Variants in EDNRB observed in about 807,000 individuals in gnomAD.
EDNRB encodes Hirschsprung disease 2.
EDNRB carries 18 observed loss-of-function variants against 46.4 expected under a neutral mutation model. That is an observed-to-expected ratio of 0.39 (90% confidence interval 0.27 to 0.57). The LOEUF is 0.57. Ranked by LOEUF, EDNRB falls within the 20% of genes least tolerant of loss-of-function variation. EDNRB has a pLI of 0.61. For synonymous variants in EDNRB, 213 were observed against 204.9 expected (o/e 1.04, Z -0.34); for missense variants, 434 against 537.5 (o/e 0.81, Z 1.90).
At chr13:77,915,247 T>A (rs186745513) in intron 1 of EDNRB, among the ~76,000 whole-genome samples, 10 of 152,284 alleles carry the variant, frequency 6.6e-5, no homozygotes, top group African/African-American at 2.4e-4. Flanking sequence ...GCCATTAGAA[T>A]AACTTCCACT....
chr13:77,971,263 G>T (rs1214296903), intron 1 of EDNRB, among the ~76,000 whole-genome samples: 2 of 152,230 alleles, frequency 1.3e-5, no homozygotes, highest in African/African-American at 4.8e-5. Flanking sequence ...TATCTAGTTA[G>T]TCTAGCATTT....
Position 77,925,322 on chromosome 13 carries a change from C to T in EDNRB, c.-51-6698G>A, listed in dbSNP as rs567289794. 1.3e-4 allele frequency among the ~76,000 whole-genome samples: 20 copies of T among 152,250 alleles called. 1 individual carries two copies. The South Asian group carries it at 3.3e-3, about 25-fold the overall frequency. On this transcript the variant is annotated intron_variant, in intron 1 of 7. Transcript: ENST00000646948. The stretch of plus-strand genomic sequence containing the variant: ...AAATACCTCTTTTAATTCTTTTCTC[C>T]GTAGATCCAGAAGTGGGATTGCTGA...
intron 1 of EDNRB, among the ~76,000 whole-genome samples, chr13:77,914,793 C>T (rs1336504188): frequency 6.6e-6 from 1 of 152,194 alleles, no homozygotes; most frequent in Non-Finnish European, 1.5e-5. Context: ...GATAAAGTCC[C>T]ACCAATTCCA....
At chr13:77,923,741 G>A (rs973549641), upstream of EDNRB, among the ~76,000 whole-genome samples, 1 of 150,432 alleles carries the variant, frequency 6.6e-6, no homozygotes, top group African/African-American at 2.4e-5. Flanking sequence ...GAGAAACTTG[G>A]ATCTTTAGCT....
intron 1 of EDNRB, among the ~76,000 whole-genome samples, chr13:77,935,962 G>A (rs1880549432): frequency 6.6e-6 from 1 of 152,204 alleles, no homozygotes; most frequent in Admixed American, 6.5e-5. Context: ...TTTTAGGACA[G>A]GTAAAATGGG....
chr13:77,953,412 A>G (rs867144657), intron 1 of EDNRB, among the ~76,000 whole-genome samples: 70 of 151,990 alleles, frequency 4.6e-4, no homozygotes, highest in African/African-American at 1.6e-3. Context: ...TTGAAATCGA[A>G]AAATAAAACA....
At chr13:77,926,253 T>C (rs1256335856) in intron 1 of EDNRB, among the ~76,000 whole-genome samples, 1 of 152,180 alleles carries the variant, frequency 6.6e-6, no homozygotes, top group East Asian at 1.9e-4. Flanking sequence ...CCTCAAAAAA[T>C]GGAGGAGAAA....
intron 1 of EDNRB, among the ~76,000 whole-genome samples, chr13:77,938,526 G>A (rs183040238): frequency 6.6e-5 from 10 of 152,198 alleles, no homozygotes; most frequent in South Asian, 6.2e-4. Context: ...GGTACTTGCC[G>A]CTAAGGGTGA....
intron 1 of EDNRB, among the ~76,000 whole-genome samples, chr13:77,968,856 T>C (rs1419771827): frequency 6.6e-6 from 1 of 152,154 alleles, no homozygotes; most frequent in Non-Finnish European, 1.5e-5. Flanking sequence ...GTTAGGCCGT[T>C]TGAGAAATAA....
At chr13:77,931,171 A>G (rs1247976173) in intron 1 of EDNRB, among the ~76,000 whole-genome samples, 1 of 152,184 alleles carries the variant, frequency 6.6e-6, no homozygotes, top group Non-Finnish European at 1.5e-5. Context: ...TTAATAATAC[A>G]TCTAAAACAG....
At chr13:77,950,938 T>C (rs986430111) in intron 1 of EDNRB, among the ~76,000 whole-genome samples, 45 of 152,194 alleles carry the variant, frequency 3.0e-4, no homozygotes, top group African/African-American at 9.4e-4. Context: ...GTTCCAAACC[T>C]GCGAGATTGT....
intron 1 of EDNRB, among the ~76,000 whole-genome samples, chr13:77,961,314 A>G (rs563195332): frequency 2.0e-4 from 30 of 152,284 alleles, no homozygotes; most frequent in African/African-American, 7.0e-4. Context: ...AGACATCTAC[A>G]GAACTCTCCA....
chr13:77,922,689 A>G (rs1348037812), upstream of EDNRB, among the ~76,000 whole-genome samples: 1 of 152,202 alleles, frequency 6.6e-6, no homozygotes, highest in African/African-American at 2.4e-5. Context: ...TTTCTTTTCT[A>G]TTAAGTGACT....
intron 1 of EDNRB, among the ~76,000 whole-genome samples, chr13:77,909,992 T>C (rs1243552604): frequency 6.6e-6 from 1 of 151,828 alleles, no homozygotes; most frequent in African/African-American, 2.4e-5. Flanking sequence ...ACGACAAAAA[T>C]TCCTCTCCCA....
intron 1 of EDNRB, among the ~76,000 whole-genome samples, chr13:77,962,050 G>A (rs1470588878): frequency 6.6e-6 from 1 of 152,120 alleles, no homozygotes; most frequent in African/African-American, 2.4e-5. Context: ...TAAATTCCTG[G>A]ACACGTACAC....
chr13:77,913,443 C>T (rs1227912062), intron 1 of EDNRB, among the ~76,000 whole-genome samples: 1 of 152,104 alleles, frequency 6.6e-6, no homozygotes, highest in Non-Finnish European at 1.5e-5. Flanking sequence ...ACCTGATTAC[C>T]TTTGGATCCT....
At chr13:77,907,522 C>G (rs1220758242) in intron 1 of EDNRB, among the ~76,000 whole-genome samples, 1 of 151,920 alleles carries the variant, frequency 6.6e-6, no homozygotes, top group African/African-American at 2.4e-5. Context: ...TACTAACTAC[C>G]TATCTACCTA....
upstream of EDNRB, among the ~76,000 whole-genome samples, chr13:77,924,204 G>T (rs778290443): frequency 6.6e-6 from 1 of 152,190 alleles, no homozygotes; most frequent in Admixed American, 6.5e-5. Flanking sequence ...TTCATAAGGC[G>T]ATTTTTGCTT....
intron 1 of EDNRB, among the ~76,000 whole-genome samples, chr13:77,912,973 G>A (rs778541509): frequency 3.3e-5 from 5 of 152,100 alleles, no homozygotes; most frequent in African/African-American, 1.2e-4. Flanking sequence ...ATTGGAATAT[G>A]TGAATATACT....
Sources: allele counts gnomAD v4.1 joint callset (sites outside exome capture counted in the v4.1 genomes callset), GRCh38; gene constraint gnomAD v4.1.1; transcripts MANE v1.5; gene names NCBI Gene and HGNC (gene_info 2026-07-23, HGNC 2026-07-21).